Variants in TENM4 observed in about 807,000 individuals in gnomAD.
TENM4 encodes the protein teneurin transmembrane protein 4, also known as teneurin-4.
Under a neutral mutation model 243.3 loss-of-function variants are expected in TENM4, and 82 were observed. The observed-to-expected ratio is 0.34, with a 90% CI of 0.28 to 0.40. The LOEUF is 0.40. Ranked by LOEUF, TENM4 falls within the 10% of genes least tolerant of loss-of-function variation. TENM4 has a pLI of 1.00. For missense variants in TENM4, 3,138 were observed against 3,673.3 expected (o/e 0.85, Z 3.77); for synonymous variants, 1,412 against 1,456.3 (o/e 0.97, Z 0.69).
At chr11:79,217,241 G>A (rs1245127858) in intron 2 of TENM4, among the ~76,000 whole-genome samples, 8 of 152,148 alleles carry the variant, frequency 5.3e-5, no homozygotes, top group African/African-American at 1.9e-4. Context: ...GTCATTCCAA[G>A]AGAAGGAATA....
intron 2 of TENM4, among the ~76,000 whole-genome samples, chr11:79,244,501 G>A (rs562926091): frequency 1.7e-4 from 26 of 152,000 alleles, no homozygotes; most frequent in Non-Finnish European, 3.1e-4. Context: ...TTTAATCTCC[G>A]TGCAGAACCA....
intron 9 of TENM4, among the ~76,000 whole-genome samples, chr11:78,870,579 G>C (rs1203615935): frequency 6.6e-6 from 1 of 152,154 alleles, no homozygotes; most frequent in Non-Finnish European, 1.5e-5. Context: ...GCAATAATCA[G>C]GGCTACTGTC....
At chr11:78,660,155 G>T (rs966093556) in intron 33 of TENM4, among the ~76,000 whole-genome samples, 4 of 152,168 alleles carry the variant, frequency 2.6e-5, no homozygotes, top group Admixed American at 2.0e-4. Context: ...GCAAATGCCA[G>T]GATATCTGGG....
At chr11:78,935,213 T>A (rs941080975) in intron 6 of TENM4, among the ~76,000 whole-genome samples, 1 of 151,318 alleles carries the variant, frequency 6.6e-6, no homozygotes, top group Non-Finnish European at 1.5e-5. Flanking sequence ...GGGTTTCACC[T>A]TGTTAGCCAG....
At chr11:79,424,858 T>C (rs186057522) in intron 1 of TENM4, among the ~76,000 whole-genome samples, 33 of 149,472 alleles carry the variant, frequency 2.2e-4, no homozygotes, top group African/African-American at 7.9e-4. Flanking sequence ...GGCATAAACC[T>C]GGGAGGCAGA....
At chr11:79,236,364 C>T (rs543911623) in intron 2 of TENM4, among the ~76,000 whole-genome samples, 4 of 152,316 alleles carry the variant, frequency 2.6e-5, no homozygotes, top group Admixed American at 6.5e-5. Flanking sequence ...CTAAGGATCA[C>T]GCACAGCTAT....
chr11:79,320,580 T>A (rs1007533213), intron 1 of TENM4, among the ~76,000 whole-genome samples: 2 of 152,218 alleles, frequency 1.3e-5, no homozygotes, highest in South Asian at 4.1e-4. Context: ...TTGTCCAATG[T>A]TACACTGCCA....
chr11:78,791,325 A>C (rs1629611), intron 15 of TENM4, among the ~76,000 whole-genome samples: 1 of 152,150 alleles, frequency 6.6e-6, no homozygotes, highest in East Asian at 1.9e-4. Context: ...AAAGCAGATA[A>C]AATTTCCTGA....
At chr11:79,148,006 A>G (rs550601593) in intron 4 of TENM4, among the ~76,000 whole-genome samples, 43 of 152,170 alleles carry the variant, frequency 2.8e-4, no homozygotes, top group African/African-American at 9.4e-4. Context: ...GTTTTCACCA[A>G]GCTCAGAATG....
At chr11:79,270,411 A>C (rs948163018) in intron 2 of TENM4, among the ~76,000 whole-genome samples, 1 of 152,238 alleles carries the variant, frequency 6.6e-6, no homozygotes, top group East Asian at 1.9e-4. Context: ...CAAATCTGCT[A>C]TATAAAATTT....
chr11:78,770,984 A>T lies in TENM4; in HGVS notation c.2539+8T>A, dbSNP rs199932123. 8 of 1,578,556 alleles carry T rather than the reference A, an allele frequency of 5.1e-6. No homozygotes were observed. Among genetic ancestry groups the T allele is most frequent in the Non-Finnish European group, 6.0e-6 (7 of 1,162,128 alleles). ...GCCGCCTGGAGCCCATGGGTGCCAG[A>T]GCCCTACCTCCATCATTGTCTTTGC... On this transcript the variant is annotated splice_region_variant and intron_variant, in intron 18 of 33. Transcript: ENST00000278550.
At chr11:78,903,768 G>C in intron 6 of TENM4, 1 of 714,672 alleles carries the variant, frequency 1.4e-6, no homozygotes, top group Non-Finnish European at 2.5e-6. Context: ...TTCTAGCAGG[G>C]GAGTGAAACA....
chr11:79,064,473 A>G, intron 6 of TENM4: 1 of 470,302 alleles, frequency 2.1e-6, no homozygotes, highest in Non-Finnish European at 3.9e-6. Context: ...TCCCCTGCAC[A>G]CAGGCACCTT....
intron 19 of TENM4, among the ~76,000 whole-genome samples, chr11:78,739,174 C>T (rs1010767715): frequency 2.0e-5 from 3 of 152,060 alleles, no homozygotes; most frequent in Admixed American, 6.5e-5. Flanking sequence ...GAACCTGACA[C>T]CTCTCCCAAT....
intron 1 of TENM4, among the ~76,000 whole-genome samples, chr11:79,364,297 C>T (rs982179940): frequency 4.6e-5 from 7 of 152,186 alleles, no homozygotes; most frequent in African/African-American, 1.7e-4. Flanking sequence ...CCTTAAATCT[C>T]AGCACCCCCC....
chr11:78,776,311 G>T (rs1856738881), intron 17 of TENM4, among the ~76,000 whole-genome samples: 1 of 152,154 alleles, frequency 6.6e-6, no homozygotes, highest in African/African-American at 2.4e-5. Context: ...AGTTAGTGGG[G>T]TGGTTACTTG....
At chr11:79,171,789 T>G (rs1863050407) in intron 3 of TENM4, among the ~76,000 whole-genome samples, 1 of 152,262 alleles carries the variant, frequency 6.6e-6, no homozygotes, top group African/African-American at 2.4e-5. Context: ...AAATCTTCAT[T>G]AACATAGCTA....
At chr11:78,886,261 G>A (rs1442396292) in intron 9 of TENM4, among the ~76,000 whole-genome samples, 2 of 152,208 alleles carry the variant, frequency 1.3e-5, no homozygotes, top group Non-Finnish European at 2.9e-5. Context: ...GCTTTTGCCT[G>A]TTGATTAGAT....
chr11:78,756,005 G>C (rs1461951115), intron 19 of TENM4, among the ~76,000 whole-genome samples: 2 of 152,186 alleles, frequency 1.3e-5, no homozygotes, highest in African/African-American at 2.4e-5. Context: ...TCACTGCCCT[G>C]ATCTAGGGTG....
Sources: gnomAD v4.1 joint callset for allele counts (sites outside exome capture counted in the v4.1 genomes callset) on GRCh38, gnomAD v4.1.1 for gene constraint, MANE v1.5 for transcripts, NCBI Gene and HGNC (gene_info 2026-07-23, HGNC 2026-07-21) for gene names.